Variants in MARCHF1 observed in about 807,000 individuals in gnomAD.
MARCHF1 encodes the protein E3 ubiquitin-protein ligase MARCHF1.
A neutral mutation model predicts 54.2 loss-of-function variants in MARCHF1; 40 were observed. The observed-to-expected ratio is 0.74, with a 90% confidence interval of 0.57 to 0.96. The LOEUF is 0.96. MARCHF1 is among the 40% of genes least tolerant of loss of function. The pLI is 0.00. For synonymous variants in MARCHF1, 236 were observed against 236.3 expected (o/e 1.00, Z 0.01); for missense variants, 586 against 656.5 (o/e 0.89, Z 1.17).
intron 1 of MARCHF1, among the ~76,000 whole-genome samples, chr4:164,314,548 T>C (rs1199567605): frequency 6.6e-6 from 1 of 152,206 alleles, no homozygotes; most frequent in East Asian, 1.9e-4. Context: ...CACGCAGGCA[T>C]ACACTTGAAA....
intron 1 of MARCHF1, among the ~76,000 whole-genome samples, chr4:164,283,447 A>G (rs2111343764): frequency 6.6e-6 from 1 of 151,116 alleles, no homozygotes; most frequent in East Asian, 2.0e-4. Context: ...GCCTGCCTCA[A>G]GAAAGATGCC....
chr4:164,007,779 T>C (rs1188522094), intron 2 of MARCHF1, among the ~76,000 whole-genome samples: 2 of 152,052 alleles, frequency 1.3e-5, no homozygotes, highest in South Asian at 2.1e-4. Context: ...AGAATTATTT[T>C]TGTAACCCTT....
At chr4:163,833,005 G>A (rs940957317) in intron 4 of MARCHF1, among the ~76,000 whole-genome samples, 5 of 151,954 alleles carry the variant, frequency 3.3e-5, no homozygotes. Context: ...GGATATTTGG[G>A]TTGGTTCCAA....
At chr4:163,896,993 T>C (rs1236487966) in intron 3 of MARCHF1, among the ~76,000 whole-genome samples, 4 of 152,190 alleles carry the variant, frequency 2.6e-5, no homozygotes, top group Admixed American at 1.3e-4. Flanking sequence ...TGAGCTCTTA[T>C]CTCATTGCTC....
chr4:164,326,947 G>A (rs1400460875), intron 1 of MARCHF1, among the ~76,000 whole-genome samples: 1 of 142,806 alleles, frequency 7.0e-6, no homozygotes, highest in Non-Finnish European at 1.5e-5. Flanking sequence ...TCATAGGTTT[G>A]TTGTAAGGAT....
intron 8 of MARCHF1, among the ~76,000 whole-genome samples, chr4:163,564,481 T>G (rs938012368): frequency 1.3e-5 from 2 of 152,240 alleles, no homozygotes; most frequent in Admixed American, 6.5e-5. Flanking sequence ...ACAGAAACTT[T>G]ATTTAAGGCC....
At chr4:164,314,172 C>A (rs1734938732) in intron 1 of MARCHF1, among the ~76,000 whole-genome samples, 1 of 152,220 alleles carries the variant, frequency 6.6e-6, no homozygotes, top group African/African-American at 2.4e-5. Flanking sequence ...TTTCTTTCAT[C>A]ATGACTTCTG....
At chr4:163,923,399 T>C (rs181990738) in intron 3 of MARCHF1, among the ~76,000 whole-genome samples, 3 of 152,120 alleles carry the variant, frequency 2.0e-5, no homozygotes, top group Non-Finnish European at 4.4e-5. Flanking sequence ...CCTTTCTACA[T>C]GTTAACAGCA....
intron 1 of MARCHF1, among the ~76,000 whole-genome samples, chr4:164,118,820 A>G (rs926541902): frequency 6.6e-5 from 10 of 151,886 alleles, no homozygotes; most frequent in Admixed American, 6.6e-4. Flanking sequence ...AACAGGTAAC[A>G]ACAATTTATA....
intron 3 of MARCHF1, among the ~76,000 whole-genome samples, chr4:163,869,079 G>A (rs1184718819): frequency 1.3e-5 from 2 of 151,830 alleles, no homozygotes; most frequent in African/African-American, 2.4e-5. Flanking sequence ...CCTAGAATAA[G>A]TAAGGTTCTA....
At chr4:163,544,498 G>A (rs1738827391) in intron 9 of MARCHF1, among the ~76,000 whole-genome samples, 3 of 152,074 alleles carry the variant, frequency 2.0e-5, no homozygotes, top group African/African-American at 7.2e-5. Flanking sequence ...TCCTATCGTG[G>A]GTCCTGGCCT....
intron 1 of MARCHF1, chr4:164,197,086 C>A (rs1357485852): frequency 1.9e-6 from 3 of 1,606,666 alleles, no homozygotes; most frequent in South Asian, 2.2e-5. Context: ...ATCGTTATAA[C>A]CTTCTTCATC....
chr4:163,767,347 T>TG (rs965225803), intron 4 of MARCHF1, among the ~76,000 whole-genome samples: 44 of 151,928 alleles, frequency 2.9e-4, no homozygotes, highest in Middle Eastern at 3.2e-3. Context: ...CCTTTTTTTT[T>TG]TTTTTGAGAT....
intron 3 of MARCHF1, among the ~76,000 whole-genome samples, chr4:163,894,026 A>G (rs1246648721): frequency 1.3e-5 from 2 of 152,160 alleles, no homozygotes; most frequent in African/African-American, 2.4e-5. Flanking sequence ...TGACACCTCA[A>G]TTAAGTTGTT....
chr4:163,637,693 C>G (rs1470286165), intron 5 of MARCHF1, among the ~76,000 whole-genome samples: 1 of 150,942 alleles, frequency 6.6e-6, no homozygotes, highest in East Asian at 2.0e-4. Context: ...GGTGATTCCT[C>G]AGGGATCTAG....
In MARCHF1 at chr4:163,932,882, G is replaced by C. The variant is rs1751709911; in HGVS notation, c.-39+55619C>G. On this transcript the variant is annotated intron_variant, in intron 3 of 9. Transcript: ENST00000514618. ...GTGGGGTCTTCTATCTGAAAATGAA[G>C]GGTGATTACTTCCAGTACTTTGCTG... The C allele has an allele frequency of 1.1e-5, 7 of 632,892 alleles. No individual in the cohort carries two copies. In the Admixed American group the frequency reaches 1.3e-4, roughly 12 times the overall value. The allele number at this position is 632,892 out of a possible 1,614,324, so 39.2% of individuals were successfully genotyped here.
chr4:164,177,806 G>GAGAGACACACACACAC (rs148681185), intron 1 of MARCHF1, among the ~76,000 whole-genome samples: 1 of 149,202 alleles, frequency 6.7e-6, no homozygotes, highest in African/African-American at 2.5e-5. Flanking sequence ...GTATGAAAGA[G>GAGAGACACACACACAC]ACACACACAC....
At chr4:164,038,367 C>T (rs180691467) in intron 2 of MARCHF1, among the ~76,000 whole-genome samples, 19 of 152,260 alleles carry the variant, frequency 1.2e-4, no homozygotes, top group Non-Finnish European at 2.5e-4. Flanking sequence ...GGTGGCGGCA[C>T]CTGTAGTCCC....
intron 5 of MARCHF1, among the ~76,000 whole-genome samples, chr4:163,668,549 C>G (rs540530874): frequency 2.6e-5 from 4 of 151,962 alleles, no homozygotes; most frequent in Non-Finnish European, 4.4e-5. Flanking sequence ...GTGGGGTGGT[C>G]TTTAGGAAAG....
Sources: allele counts gnomAD v4.1 joint callset (sites outside exome capture counted in the v4.1 genomes callset), GRCh38; gene constraint gnomAD v4.1.1; transcripts MANE v1.5; gene names NCBI Gene and HGNC (gene_info 2026-07-23, HGNC 2026-07-21).